Variants in FRMD4A observed in about 807,000 individuals in gnomAD.
FRMD4A encodes FERM domain-containing protein 4A.
In FRMD4A, 29 loss-of-function variants were observed where a neutral mutation model predicts 129.1. The observed-to-expected ratio is 0.22, with a 90% confidence interval of 0.17 to 0.31. The LOEUF (loss-of-function observed/expected upper bound fraction) is 0.31. Ranked by LOEUF, FRMD4A falls within the 10% of genes least tolerant of loss-of-function variation. FRMD4A has a pLI of 1.00. For missense variants in FRMD4A, 1,272 were observed against 1,375.8 expected (o/e 0.92, Z 1.19); for synonymous variants, 634 against 571.6 (o/e 1.11, Z -1.56).
At chr10:14,148,171 T>C (rs1398124029) in intron 2 of FRMD4A, among the ~76,000 whole-genome samples, 3 of 152,190 alleles carry the variant, frequency 2.0e-5, no homozygotes, top group Non-Finnish European at 4.4e-5. Context: ...TTGATGTGCA[T>C]CCACCCCCTC....
chr10:14,261,723 T>C (rs910990110), intron 2 of FRMD4A, among the ~76,000 whole-genome samples: 5 of 152,162 alleles, frequency 3.3e-5, no homozygotes, highest in African/African-American at 9.7e-5. Context: ...TTTTGGTCCA[T>C]TGTTTAATTT....
intron 2 of FRMD4A, among the ~76,000 whole-genome samples, chr10:13,898,640 A>G (rs563559756): frequency 6.6e-6 from 1 of 152,214 alleles, no homozygotes; most frequent in East Asian, 1.9e-4. Flanking sequence ...CTTGGAGCAT[A>G]CATGGGACAA....
chr10:14,048,860 TAGA>T (rs1834113003), intron 2 of FRMD4A, among the ~76,000 whole-genome samples: 1 of 124,178 alleles, frequency 8.1e-6, no homozygotes, highest in Non-Finnish European at 1.8e-5. Flanking sequence ...TAGAATAGAA[TAGA>T]ATAGAATAGA....
In FRMD4A at chr10:14,264,381, C is replaced by T. The variant is rs570398911; in HGVS notation, c.45+65677G>A. On this transcript the variant is annotated intron_variant, in intron 2 of 24. Coordinates refer to ENST00000357447, the MANE Select transcript of FRMD4A (RefSeq NM_018027.5). ...ATTCCATGCAACCGCTGATTAATTT[C>T]CTTTTAAAGCCATCATTCTAAAAAC... Among the ~76,000 whole-genome samples the T allele has an allele frequency of 4.6e-5, 7 of 152,296 alleles. No individual in the cohort carries two copies. In the South Asian group the frequency reaches 1.2e-3, roughly 27 times the overall value.
intron 16 of FRMD4A, among the ~76,000 whole-genome samples, chr10:13,674,307 A>G (rs779730941): frequency 2.6e-5 from 4 of 152,182 alleles, no homozygotes; most frequent in African/African-American, 7.2e-5. Flanking sequence ...GTGGCCAGCC[A>G]TTATGATCGA....
intron 2 of FRMD4A, among the ~76,000 whole-genome samples, chr10:13,987,593 G>A (rs921804326): frequency 6.6e-6 from 1 of 152,150 alleles, no homozygotes; most frequent in Non-Finnish European, 1.5e-5. Flanking sequence ...TGGGAGACTA[G>A]AATATTCAGA....
chr10:14,325,543 G>A (rs973344543), intron 2 of FRMD4A, among the ~76,000 whole-genome samples: 6 of 152,142 alleles, frequency 3.9e-5, no homozygotes, highest in Admixed American at 1.3e-4. Context: ...GACAACCAGC[G>A]CCCCCTAGGG....
Position 13,765,115 on chromosome 10 carries a change from T to A in FRMD4A, c.385-2435A>T, listed in dbSNP as rs1214846818. Among the ~76,000 whole-genome samples the A allele has an allele frequency of 1.4e-4, 9 of 64,302 alleles. No individual in the cohort carries two copies. In the East Asian group the frequency reaches 7.7e-3, roughly 55 times the overall value. The allele number at this position is 64,302 out of a possible 152,430, so 42.2% of individuals were successfully genotyped here. A position where few individuals can be genotyped will look rare whatever the true frequency, so the allele number is the denominator to read the frequency against. ...TTCAAGGATTGATTTTTTTTTTTTG[T>A]TTTTTTTTTTTTTTTTGAGACGGAG... On this transcript the variant is annotated intron_variant, in intron 6 of 24. Transcript: ENST00000357447.
rs533305478 is a variant in FRMD4A, at chr10:14,186,038, C to A, written c.45+144020G>T. 5.3e-5 allele frequency among the ~76,000 whole-genome samples: 8 copies of A among 152,144 alleles called. No homozygotes were observed. In the South Asian group the frequency reaches 1.7e-3, roughly 32 times the overall value. On this transcript the variant is annotated intron_variant, in intron 2 of 24. Transcript: ENST00000357447. ...GCACAGCAGTGGGCAGAAGTGCGGGCTGGGACCTACCCCCGTAAAGGAGAC... is the reference window on the plus strand; with the variant it reads ...GCACAGCAGTGGGCAGAAGTGCGGGATGGGACCTACCCCCGTAAAGGAGAC...
chr10:14,209,607 A>G (rs1564389032), intron 2 of FRMD4A, among the ~76,000 whole-genome samples: 1 of 151,610 alleles, frequency 6.6e-6, no homozygotes, highest in South Asian at 2.1e-4. Context: ...TATAGTCCCA[A>G]TTACTCGGGA....
chr10:13,656,923 T>TCGCCGC lies in FRMD4A; in HGVS notation c.2660_2665dup (p.Gly887_Gly888dup), dbSNP rs536647518. 220 of 1,497,322 alleles carry TCGCCGC rather than the reference T, an allele frequency of 1.5e-4. No homozygotes were observed. In the South Asian group the frequency reaches 2.1e-3, roughly 14 times the overall value. 92.8% of individuals were successfully genotyped at this position (1,497,322 alleles called of 1,614,324 possible). On this transcript the variant is annotated inframe_insertion, in exon 22 of 25. Transcript: ENST00000357447. Reference sequence around the variant, plus strand: ...CGTCAGGCGGCCCGTGTCGCCCTCGTCGCCGCCGCCGCCGCGCCAGCTCTC... The same window carrying TCGCCGC: ...CGTCAGGCGGCCCGTGTCGCCCTCGTCGCCGCCGCCGCCGCCGCCGCGCCAGCTCTC...
At chr10:14,206,801 C>A (rs1441866305) in intron 2 of FRMD4A, among the ~76,000 whole-genome samples, 1 of 172 alleles carries the variant, frequency 5.8e-3, no homozygotes, top group African/African-American at 0.038. Flanking sequence ...CAGAGTGAGA[C>A]GCTATCTCAA....
intron 2 of FRMD4A, among the ~76,000 whole-genome samples, chr10:14,159,419 G>A (rs1347062852): frequency 6.6e-6 from 1 of 152,124 alleles, no homozygotes; most frequent in African/African-American, 2.4e-5. Context: ...CAAAGGAGGT[G>A]AAAGACCTCT....
At chr10:14,202,403 CTTAT>C (rs1842664420) in intron 2 of FRMD4A, among the ~76,000 whole-genome samples, 1 of 152,036 alleles carries the variant, frequency 6.6e-6, no homozygotes, top group South Asian at 2.1e-4. Flanking sequence ...TATTTATTTA[CTTAT>C]TTATTTATTT....
intron 2 of FRMD4A, among the ~76,000 whole-genome samples, chr10:14,107,800 G>A (rs1222129939): frequency 2.6e-5 from 4 of 152,084 alleles, no homozygotes; most frequent in Non-Finnish European, 2.9e-5. Context: ...AGAGTTATGC[G>A]ATATTCTTTC....
At chr10:13,958,235 G>A (rs2095421739) in intron 2 of FRMD4A, among the ~76,000 whole-genome samples, 1 of 149,878 alleles carries the variant, frequency 6.7e-6, no homozygotes, top group African/African-American at 2.5e-5. Context: ...TAAAGATTGC[G>A]TGATTGGAAT....
At chr10:13,808,621 C>T (rs929238770) in intron 4 of FRMD4A, among the ~76,000 whole-genome samples, 5 of 152,352 alleles carry the variant, frequency 3.3e-5, no homozygotes, top group African/African-American at 7.2e-5. Context: ...CCTTGAGTCA[C>T]GGCCTCACCA....
intron 2 of FRMD4A, among the ~76,000 whole-genome samples, chr10:13,986,320 A>C (rs536841466): frequency 6.6e-6 from 1 of 151,864 alleles, no homozygotes; most frequent in African/African-American, 2.4e-5. Context: ...TGCAGCCATA[A>C]AAAATGATGA....
chr10:13,726,758 C>T (rs2135000751), intron 12 of FRMD4A, among the ~76,000 whole-genome samples: 1 of 152,124 alleles, frequency 6.6e-6, no homozygotes, highest in South Asian at 2.1e-4. Flanking sequence ...GGGACTACTC[C>T]TTTGTATTTT....
Sources: allele counts gnomAD v4.1 joint callset (sites outside exome capture counted in the v4.1 genomes callset), GRCh38; gene constraint gnomAD v4.1.1; transcripts MANE v1.5; gene names NCBI Gene and HGNC (gene_info 2026-07-23, HGNC 2026-07-21).